PARP15: variants seen among roughly 807,000 people sequenced by gnomAD.
PARP15 encodes poly(ADP-ribose) polymerase family member 15.
A neutral mutation model predicts 62.1 loss-of-function variants in PARP15; 50 were observed. That is an observed-to-expected ratio of 0.81 (90% CI 0.64 to 1.02). The LOEUF is 1.02. PARP15 is among the 50% of genes least tolerant of loss of function. The pLI is 0.00. For missense variants in PARP15, 820 were observed against 826.5 expected, an observed-to-expected ratio of 0.99 and a Z score of 0.10; for synonymous variants, 309 against 293.1, an observed-to-expected ratio of 1.05 and a Z score of -0.55.
intron 9 of PARP15, among the ~76,000 whole-genome samples, chr3:122,627,882 G>A (rs1316010469): frequency 1.3e-5 from 2 of 152,214 alleles, no homozygotes; most frequent in Non-Finnish European, 2.9e-5. Context: ...AGTTGGATCT[G>A]TTAAAGTTCT....
intron 7 of PARP15, chr3:122,621,202 T>G (rs902114892): frequency 1.2e-5 from 5 of 410,520 alleles, no homozygotes; most frequent in African/African-American, 8.2e-5. Flanking sequence ...TTGAGCAGAT[T>G]GATGCAGATA....
chr3:122,625,072 A>C (rs764892774), intron 8 of PARP15, among the ~76,000 whole-genome samples: 2 of 151,728 alleles, frequency 1.3e-5, no homozygotes, highest in Non-Finnish European at 2.9e-5. Flanking sequence ...ATTCTTACCT[A>C]CCATATTCTT....
At chr3:122,611,175 G>C (rs1576516417) in intron 3 of PARP15, among the ~76,000 whole-genome samples, 1 of 152,074 alleles carries the variant, frequency 6.6e-6, no homozygotes, top group East Asian at 1.9e-4. Context: ...AAGAGTCAGT[G>C]CCCTTCTTTC....
intron 3 of PARP15, among the ~76,000 whole-genome samples, chr3:122,612,002 C>T (rs1366312034): frequency 1.3e-5 from 2 of 151,700 alleles, no homozygotes; most frequent in Non-Finnish European, 2.9e-5. Context: ...GTGTGAGCCA[C>T]CACAACTGGA....
In PARP15 at chr3:122,637,917, T is replaced by A. The variant is rs1458516691; in HGVS notation, c.*1817T>A. The A allele has an allele frequency of 1.3e-5, 2 of 152,154 alleles. No individual in the cohort carries two copies. Among genetic ancestry groups the A allele is most frequent in the African/African-American group, 4.8e-5 (2 of 41,424 alleles). The allele number at this position is 152,154 out of a possible 1,614,324, so 9.4% of individuals were successfully genotyped here. Reference sequence around the variant, plus strand: ...GCACCCAGTAACTCATCATTTAGCATTAGGTATATCTCCAAATGCTATCCC... The same window carrying A: ...GCACCCAGTAACTCATCATTTAGCAATAGGTATATCTCCAAATGCTATCCC... On this transcript the variant is annotated 3_prime_UTR_variant, in exon 12 of 12. Transcript: ENST00000464300.
At position 122,615,433 on chromosome 3, in the gene PARP15, T is replaced by C. The variant is rs73858321; in HGVS notation, c.772-346T>C. 18,452 of 1,268,512 alleles carry C rather than the reference T, an allele frequency of 0.015. 1,939 individuals are homozygous for C. The African/African-American group carries it at 0.24, about 16-fold the overall frequency. The allele number at this position is 1,268,512 out of a possible 1,614,324, so 78.6% of individuals were successfully genotyped here. ...CAAATACTCTACACTTCCCTCAGCC[T>C]ATTGGATGTAGGAGATTAGAATTAT... On this transcript the variant is annotated intron_variant, in intron 4 of 11. Transcript: ENST00000464300.
chr3:122,591,979 T>C (rs965373810), intron 1 of PARP15, among the ~76,000 whole-genome samples: 3 of 152,172 alleles, frequency 2.0e-5, no homozygotes, highest in Non-Finnish European at 4.4e-5. Flanking sequence ...AGAATGCTTT[T>C]ACACTGTTGG....
intron 4 of PARP15, among the ~76,000 whole-genome samples, chr3:122,613,830 T>C (rs1480457297): frequency 1.4e-5 from 2 of 147,072 alleles, no homozygotes; most frequent in African/African-American, 5.1e-5. Context: ...TTTTTTTTTT[T>C]TTTTTTTTTG....
chr3:122,589,339 T>C (rs1328590572), intron 1 of PARP15, among the ~76,000 whole-genome samples: 1 of 152,216 alleles, frequency 6.6e-6, no homozygotes, highest in African/African-American at 2.4e-5. Context: ...ACATTGAGAA[T>C]TAGGACTTCA....
Position 122,605,982 on chromosome 3 carries a change from A to G in PARP15, c.233A>G (p.Asn78Ser). The change falls in exon 2 of 12, where the codon AAT (asparagine) becomes AGT (serine). Residue 78 changes from asparagine (N) to serine (S), a missense_variant. By Grantham distance (46) the Asn-to-Ser change is conservative. Around this residue, in one of 3 missense-constraint regions of PARP15, gnomAD observed 731 missense variants for 727.7 expected, o/e 1.00. Coordinates refer to ENST00000464300, the MANE Select transcript of PARP15 (RefSeq NM_001113523.3). ...FSKKDCLSIR[N>S]VVASIQTKEG... The stretch of plus-strand genomic sequence containing the variant: ...AAGAAAGATTGTCTTTCAATCAGGA[A>G]TGTTGTAGCTTCAATCCAAACCAAA... The G allele has an allele frequency of 6.4e-7, 1 of 1,551,910 alleles. No homozygotes were observed. The highest frequency in any genetic ancestry group is 8.7e-7 in the Non-Finnish European group (1 of 1,146,930).
At chr3:122,613,598 A>G (rs1935728801) in intron 4 of PARP15, among the ~76,000 whole-genome samples, 1 of 152,236 alleles carries the variant, frequency 6.6e-6, no homozygotes, top group Non-Finnish European at 1.5e-5. Context: ...GAATGAGAGA[A>G]GCCTCAAGGA....
intron 1 of PARP15, among the ~76,000 whole-genome samples, chr3:122,604,657 A>T (rs1935033857): frequency 6.6e-6 from 1 of 151,900 alleles, no homozygotes; most frequent in South Asian, 2.1e-4. Context: ...GTTCAAGACC[A>T]GCCTGGCCAA....
chr3:122,635,142 A>G lies in PARP15; in HGVS notation c.1695A>G (p.Ser565=). ...TCTTCCATGGGACAGATGCAGACTC[A>G]GTGCCATATGTCAATCAGCACGGCT... ...RLLFHGTDAD[S]VPYVNQHGFN... Residue 565 remains serine, a synonymous_variant, in exon 11 of 12, where the codon TCA becomes TCG. Coordinates refer to ENST00000464300, the MANE Select transcript of PARP15 (RefSeq NM_001113523.3). 6.2e-7 allele frequency: 1 copy of G among 1,614,050 alleles called. No homozygotes were observed. Among genetic ancestry groups the G allele is most frequent in the Non-Finnish European group, 8.5e-7 (1 of 1,179,930 alleles).
rs1933562324 is a variant in PARP15 at position 122,587,798 on chromosome 3, G to A, written c.186+9945G>A. 3.3e-5 allele frequency among the ~76,000 whole-genome samples: 5 copies of A among 152,160 alleles called. No individual in the cohort carries two copies. The South Asian group carries it at 1.0e-3, about 32-fold the overall frequency. ...GTCTCCTAAAGTACTAGGATTACAG[G>A]CTGGTGTGAGCCACTTCACCCTGCT... On this transcript the variant is annotated intron_variant, in intron 1 of 11. Coordinates refer to ENST00000464300, the MANE Select transcript of PARP15 (RefSeq NM_001113523.3).
At chr3:122,595,823 AC>A (rs1323069589) in intron 1 of PARP15, among the ~76,000 whole-genome samples, 2 of 151,966 alleles carry the variant, frequency 1.3e-5, no homozygotes, top group African/African-American at 4.8e-5. Flanking sequence ...ATGAGCCACC[AC>A]GCTGGCTTGG....
chr3:122,597,401 T>A (rs901801020), intron 1 of PARP15, among the ~76,000 whole-genome samples: 3 of 152,274 alleles, frequency 2.0e-5, no homozygotes, highest in Middle Eastern at 3.4e-3. Flanking sequence ...AGGGTACATG[T>A]GCACAATGTG....
chr3:122,584,706 T>C (rs1933277931), intron 1 of PARP15, among the ~76,000 whole-genome samples: 1 of 151,874 alleles, frequency 6.6e-6, no homozygotes, highest in South Asian at 2.1e-4. Flanking sequence ...GCCTCCCAAG[T>C]ATCTGGGATT....
At chr3:122,589,501 A>C (rs1466157138) in intron 1 of PARP15, among the ~76,000 whole-genome samples, 2 of 152,180 alleles carry the variant, frequency 1.3e-5, no homozygotes, top group African/African-American at 4.8e-5. Flanking sequence ...GAACTGATAC[A>C]TTATTTTCCT....
At chr3:122,625,178 T>C (rs1220540077) in intron 8 of PARP15, among the ~76,000 whole-genome samples, 3 of 152,156 alleles carry the variant, frequency 2.0e-5, no homozygotes, top group Non-Finnish European at 2.9e-5. Context: ...AAAATTCATA[T>C]GTTGAAGTCC....
Sources: allele counts gnomAD v4.1 joint callset (sites outside exome capture counted in the v4.1 genomes callset), GRCh38; gene constraint gnomAD v4.1.1; regional missense constraint gnomAD v4.1.1; transcripts MANE v1.5; gene names NCBI Gene and HGNC (gene_info 2026-07-23, HGNC 2026-07-21).